The following GRM8 variants were observed in gnomAD, a reference collection of about 807,000 sequenced individuals.
GRM8 encodes metabotropic glutamate receptor 8.
A neutral mutation model predicts 87.2 loss-of-function variants in GRM8; 47 were observed. The observed-to-expected ratio is 0.54, with a 90% CI of 0.43 to 0.69. The LOEUF (loss-of-function observed/expected upper bound fraction) is 0.69. Ranked by LOEUF, GRM8 falls within the 30% of genes least tolerant of loss-of-function variation. The pLI is 0.00. For missense variants in GRM8, 1,019 were observed against 1,139.2 expected (o/e 0.89, Z 1.52); for synonymous variants, 396 against 404.5 (o/e 0.98, Z 0.25).
chr7:126,578,404 T>C (rs1182026085), intron 8 of GRM8, among the ~76,000 whole-genome samples: 1 of 152,094 alleles, frequency 6.6e-6, no homozygotes, highest in Non-Finnish European at 1.5e-5. Flanking sequence ...GATTAGTAGT[T>C]TATGTGAGGA....
chr7:126,526,226 C>T lies in GRM8; in HGVS notation c.2430+6726G>A, dbSNP rs75349733. On this transcript the variant is annotated intron_variant, in intron 9 of 10. Transcript: ENST00000339582. ...ACTACATTCTGTATTATCAATAGTC[C>T]TGGGTGTCATTAAGGTTCTGTCTGT... 4.1e-3 allele frequency among the ~76,000 whole-genome samples: 630 copies of T among 152,194 alleles called. 4 individuals are homozygous for T. The highest frequency in any genetic ancestry group is 0.015 in the African/African-American group (610 of 41,538).
At chr7:126,628,033 T>A (rs1800867029) in intron 7 of GRM8, among the ~76,000 whole-genome samples, 1 of 152,102 alleles carries the variant, frequency 6.6e-6, no homozygotes. Flanking sequence ...GGGAAAGTAG[T>A]CCCTCTTTTT....
intron 7 of GRM8, among the ~76,000 whole-genome samples, chr7:126,669,873 A>C (rs1334693609): frequency 6.6e-6 from 1 of 152,232 alleles, no homozygotes; most frequent in African/African-American, 2.4e-5. Context: ...GGATTGTTTT[A>C]AATTAGATAA....
intron 2 of GRM8, among the ~76,000 whole-genome samples, chr7:127,231,535 C>T (rs1273764880): frequency 6.6e-6 from 1 of 152,154 alleles, no homozygotes; most frequent in Non-Finnish European, 1.5e-5. Flanking sequence ...TTCTGATTGT[C>T]CTAAAATGAA....
At chr7:126,923,743 T>C (rs1804787995) in intron 3 of GRM8, among the ~76,000 whole-genome samples, 1 of 152,206 alleles carries the variant, frequency 6.6e-6, no homozygotes, top group Middle Eastern at 3.4e-3. Context: ...AGGTGTTCAG[T>C]AGTGTTTCAT....
intron 2 of GRM8, among the ~76,000 whole-genome samples, chr7:127,198,487 G>A (rs1046441527): frequency 6.6e-6 from 1 of 152,012 alleles, no homozygotes; most frequent in Non-Finnish European, 1.5e-5. Flanking sequence ...AGGCCAAATG[G>A]GCTAATTCTT....
chr7:126,547,557 A>G (rs1376613045), intron 8 of GRM8, among the ~76,000 whole-genome samples: 1 of 151,978 alleles, frequency 6.6e-6, no homozygotes, highest in Non-Finnish European at 1.5e-5. Context: ...AAGACTCAAT[A>G]GAATAATTTG....
Position 126,606,008 on chromosome 7 carries a change from A to T in GRM8, c.1494+3354T>A, listed in dbSNP as rs187204861. ...ACACCTTTTAACAGAGTATGAGCAC[A>T]GACTGAATTTCCCAAATCTATTCAA... On this transcript the variant is annotated intron_variant, in intron 8 of 10. Coordinates refer to ENST00000339582, the MANE Select transcript of GRM8 (RefSeq NM_000845.3). Among the ~76,000 whole-genome samples, 13 of 152,348 alleles carry T rather than the reference A, an allele frequency of 8.5e-5. No individual in the cohort carries two copies. The East Asian group carries it at 1.9e-3, about 23-fold the overall frequency.
rs116264115 is a variant in GRM8, at chr7:126,963,142, C to T, written c.728-58459G>A. ...GAAAAAAATATTTTACTTGCCTTAT[C>T]GTGAGACCATAATGACAAAAATAAG... On this transcript the variant is annotated intron_variant, in intron 3 of 10. Transcript: ENST00000339582. Among the ~76,000 whole-genome samples the T allele has an allele frequency of 6.6e-3, 1,003 of 152,244 alleles. 11 individuals are homozygous for T. The highest frequency in any genetic ancestry group is 0.022 in the African/African-American group (921 of 41,566).
At chr7:126,600,233 T>C (rs192601065) in intron 8 of GRM8, among the ~76,000 whole-genome samples, 1 of 152,166 alleles carries the variant, frequency 6.6e-6, no homozygotes, top group Admixed American at 6.6e-5. Context: ...TCCGTTGATA[T>C]CTGGAAATAC....
intron 6 of GRM8, among the ~76,000 whole-genome samples, chr7:126,775,479 G>GTTTTTTTTTTTTTTTTTTTTTT (rs372733476): frequency 1.9e-5 from 2 of 104,758 alleles, no homozygotes; most frequent in African/African-American, 8.7e-5. Flanking sequence ...TGACAAATAG[G>GTTTTTTTTTTTTTTTTTTTTTT]TTTTTTTTTT....
chr7:126,987,502 C>A (rs999589033), intron 3 of GRM8, among the ~76,000 whole-genome samples: 1 of 151,672 alleles, frequency 6.6e-6, no homozygotes, highest in Non-Finnish European at 1.5e-5. Context: ...GCTCTCTCGT[C>A]CAGGCTGGAG....
At chr7:127,096,076 T>G (rs1824622466) in intron 3 of GRM8, among the ~76,000 whole-genome samples, 1 of 152,222 alleles carries the variant, frequency 6.6e-6, no homozygotes. Flanking sequence ...AATACATTAG[T>G]CATGTGAAGA....
chr7:126,973,260 T>A (rs1810616418), intron 3 of GRM8, among the ~76,000 whole-genome samples: 1 of 152,346 alleles, frequency 6.6e-6, no homozygotes, highest in East Asian at 1.9e-4. Flanking sequence ...CTGATGCTGC[T>A]GGTCTGCAGA....
At chr7:127,106,459 A>C (rs762084605) in intron 3 of GRM8, 37 bp downstream of exon 3, 1 of 1,520,704 alleles carries the variant, frequency 6.6e-7, no homozygotes, top group Non-Finnish European at 9.1e-7. Flanking sequence ...GCAATCTGTC[A>C]CCTCCAAATA....
chr7:126,606,919 A>T (rs1798418199), intron 8 of GRM8, among the ~76,000 whole-genome samples: 1 of 152,208 alleles, frequency 6.6e-6, no homozygotes, highest in South Asian at 2.1e-4. Context: ...ACTTGTGTGT[A>T]AAATTATGTT....
intron 10 of GRM8, among the ~76,000 whole-genome samples, chr7:126,443,800 T>C (rs1801719258): frequency 6.6e-6 from 1 of 151,984 alleles, no homozygotes; most frequent in African/African-American, 2.4e-5. Flanking sequence ...ACATGCAGGC[T>C]ATATAATTTC....
At chr7:126,803,344 TGTC>T (rs994704102) in intron 6 of GRM8, among the ~76,000 whole-genome samples, 1 of 152,172 alleles carries the variant, frequency 6.6e-6, no homozygotes, top group Non-Finnish European at 1.5e-5. Flanking sequence ...CTCCCTAAGA[TGTC>T]TAGTTTAATT....
At chr7:126,652,441 G>T (rs1045638265) in intron 7 of GRM8, among the ~76,000 whole-genome samples, 5 of 152,166 alleles carry the variant, frequency 3.3e-5, no homozygotes, top group African/African-American at 1.2e-4. Context: ...GTCTGTGAGG[G>T]TGTTGCCAAA....
Sources: gnomAD v4.1 joint callset for allele counts (sites outside exome capture counted in the v4.1 genomes callset) on GRCh38, gnomAD v4.1.1 for gene constraint, MANE v1.5 for transcripts, NCBI Gene and HGNC (gene_info 2026-07-23, HGNC 2026-07-21) for gene names.